Variants in ADGRA2 observed in about 807,000 individuals in gnomAD.
The protein encoded by ADGRA2 is G-protein coupled receptor 124.
In ADGRA2, 61 loss-of-function variants were observed where a neutral mutation model predicts 98.7. That is an observed-to-expected ratio of 0.62 (90% CI 0.50 to 0.76). The LOEUF (loss-of-function observed/expected upper bound fraction) is 0.76. Among genes scored for constraint, ADGRA2 ranks in the 30% least tolerant of loss-of-function variants. ADGRA2 has a pLI of 0.00. For synonymous variants in ADGRA2, 858 were observed against 831.5 expected (o/e 1.03, Z -0.55); for missense variants, 1,712 against 1,860.0 (o/e 0.92, Z 1.46).
Position 37,842,431 on chromosome 8 carries a change from T to C in ADGRA2, c.*76T>C. The C allele has an allele frequency of 7.2e-7, 1 of 1,395,954 alleles. No homozygotes were observed. The highest frequency in any genetic ancestry group is 9.3e-7 in the Non-Finnish European group (1 of 1,075,204). The allele number at this position is 1,395,954 out of a possible 1,614,324, so 86.5% of individuals were successfully genotyped here. A position where few individuals can be genotyped will look rare whatever the true frequency, so the allele number is the denominator to read the frequency against. On this transcript the variant is annotated 3_prime_UTR_variant, in exon 19 of 19. Transcript: ENST00000412232. Reference sequence around the variant, plus strand: ...GCTCCTCGGGGCCCTCCAAGGTGTCTCCGTAGTCAGCAGGTTGGAGGCAGA... The same window carrying C: ...GCTCCTCGGGGCCCTCCAAGGTGTCCCCGTAGTCAGCAGGTTGGAGGCAGA...
rs377232005 is a variant in ADGRA2, at chr8:37,830,934, C to T, written c.932+11C>T. 4,207 of 1,554,048 alleles carry T rather than the reference C, an allele frequency of 2.7e-3. 125 individuals carry two copies. In the South Asian group the frequency reaches 0.047, roughly 17 times the overall value. On this transcript the variant is annotated intron_variant, in intron 7 of 18. Transcript: ENST00000412232. This position sits in a 1 kb window ranked among gnomAD's most constrained non-coding sequence, Gnocchi z 4.8. ...CACCTTCATCACCAGGTATGAGCCC[C>T]GCTGCCCCTCCTCAGGCCTCAGCAT...
chr8:37,835,382 C>T lies in ADGRA2; in HGVS notation c.1817C>T (p.Ser606Leu), dbSNP rs751839090. 51 of 1,610,588 alleles carry T rather than the reference C, an allele frequency of 3.2e-5. No homozygotes were observed. In the East Asian group the frequency reaches 5.6e-4, roughly 18 times the overall value. ...ACCGGGAGGCCCAATGTTTCTCTGT[C>T]GTCCTTCCACATCAAGGTGGGCGCT... Reference protein sequence around the residue: ...CTTGRPNVSLSSFHIKNSVAL... With the variant: ...CTTGRPNVSLLSFHIKNSVAL... Residue 606 changes from serine (S) to leucine (L), a missense_variant, in exon 12 of 19, where the codon TCG becomes TTG. By Grantham distance (145) the Ser-to-Leu change is moderately radical. Transcript: ENST00000412232.
In ADGRA2 at chr8:37,826,096, C is replaced by G. The variant is rs995425990; in HGVS notation, c.339-2792C>G. Among the ~76,000 whole-genome samples, 4 of 148,382 alleles carry G rather than the reference C, an allele frequency of 2.7e-5. No individual in the cohort carries two copies. In the East Asian group the frequency reaches 8.0e-4, roughly 30 times the overall value. ...GCGGGTGGGGGCTTTTGAGGGGGCCCGGGGAGGAAATGAGAATAAACACAA... is the reference window on the plus strand; with the variant it reads ...GCGGGTGGGGGCTTTTGAGGGGGCCGGGGGAGGAAATGAGAATAAACACAA... On this transcript the variant is annotated intron_variant, in intron 2 of 18. Coordinates refer to ENST00000412232, the MANE Select transcript of ADGRA2 (RefSeq NM_032777.10).
In ADGRA2 at chr8:37,843,828, T is replaced by G. The variant is rs917092809; in HGVS notation, c.*1473T>G. 1 of 152,786 alleles carries G rather than the reference T, an allele frequency of 6.5e-6. No homozygotes were observed. The highest frequency in any genetic ancestry group is 1.5e-5 in the Non-Finnish European group (1 of 68,146). The allele number at this position is 152,786 out of a possible 1,614,324, so 9.5% of individuals were successfully genotyped here. Reference sequence around the variant, plus strand: ...AATGCCTTAGCACTGGAGAGCTTTTTGCAATATGCTGGGGAAAGGGGAGGG... The same window carrying G: ...AATGCCTTAGCACTGGAGAGCTTTTGGCAATATGCTGGGGAAAGGGGAGGG... On this transcript the variant is annotated 3_prime_UTR_variant, in exon 19 of 19. Coordinates refer to ENST00000412232, the MANE Select transcript of ADGRA2 (RefSeq NM_032777.10).
chr8:37,840,278 C>A lies in ADGRA2; in HGVS notation c.2657+12C>A. 1 of 1,610,728 alleles carries A rather than the reference C, an allele frequency of 6.2e-7. No homozygotes were observed. The highest frequency in any genetic ancestry group is 8.5e-7 in the Non-Finnish European group (1 of 1,179,910). On this transcript the variant is annotated intron_variant, in intron 17 of 18. Transcript: ENST00000412232. ...AGTCCTATGCTCCGGTACATACTTT[C>A]AATTCCAGCTTTGCAATTGGGGAGG...
intron 1 of ADGRA2, among the ~76,000 whole-genome samples, chr8:37,798,503 G>T (rs1003486234): frequency 1.3e-5 from 2 of 152,178 alleles, no homozygotes; most frequent in Non-Finnish European, 2.9e-5. Context: ...CCTCCCCACC[G>T]CAGAGATTTC....
At chr8:37,808,312 T>C (rs1424859489) in intron 1 of ADGRA2, among the ~76,000 whole-genome samples, 11 of 151,998 alleles carry the variant, frequency 7.2e-5, no homozygotes, top group Admixed American at 2.0e-4. Context: ...AGAGCTAGTG[T>C]GTGGTTGGGC....
intron 2 of ADGRA2, among the ~76,000 whole-genome samples, chr8:37,817,814 C>T (rs1246040311): frequency 1.3e-5 from 2 of 152,118 alleles, no homozygotes; most frequent in East Asian, 3.9e-4. Context: ...GTTAGGAGTT[C>T]GAGACCAGCC....
intron 13 of ADGRA2, among the ~76,000 whole-genome samples, chr8:37,836,095 A>ACCCC (rs1048991683): frequency 5.5e-5 from 6 of 109,340 alleles, no homozygotes; most frequent in African/African-American, 2.0e-4. Context: ...ACACACACAC[A>ACCCC]CACCCCACAG....
At chr8:37,813,885 GCT>G (rs1329756032) in intron 1 of ADGRA2, among the ~76,000 whole-genome samples, 3 of 152,142 alleles carry the variant, frequency 2.0e-5, no homozygotes, top group African/African-American at 7.2e-5. Context: ...TCTTCTTAGG[GCT>G]TGTTCCTTCC....
chr8:37,810,699 A>G (rs1804804008), intron 1 of ADGRA2, among the ~76,000 whole-genome samples: 2 of 152,058 alleles, frequency 1.3e-5, no homozygotes, highest in South Asian at 4.1e-4. Flanking sequence ...GGGTCTTGCT[A>G]TGTTGCCCAG....
chr8:37,829,713 C>A, intron 5 of ADGRA2, 138 bp from the exon 6 acceptor site: 1 of 1,003,564 alleles, frequency 1.0e-6, no homozygotes, highest in East Asian at 2.4e-5. Flanking sequence ...CCGCGATGGC[C>A]CGGGGCAGAG....
intron 2 of ADGRA2, among the ~76,000 whole-genome samples, chr8:37,827,400 A>G (rs1013032683): frequency 6.6e-6 from 1 of 152,244 alleles, no homozygotes; most frequent in African/African-American, 2.4e-5. Flanking sequence ...GATACCCAGC[A>G]GGTCGCCTGT....
chr8:37,824,794 C>T (rs1157028119), intron 2 of ADGRA2, among the ~76,000 whole-genome samples: 2 of 152,136 alleles, frequency 1.3e-5, no homozygotes, highest in Admixed American at 1.3e-4. Context: ...CTCACCTGGC[C>T]AAAGGTGTAA....
intron 11 of ADGRA2, 26 bp from the exon 12 acceptor site, chr8:37,835,148 T>C: frequency 6.4e-7 from 1 of 1,563,766 alleles, no homozygotes; most frequent in African/African-American, 1.4e-5. Context: ...TCTCAAATGG[T>C]GGGATGACAA....
intron 14 of ADGRA2, 111 bp from the exon 15 acceptor site, chr8:37,838,845 A>G: frequency 3.1e-6 from 4 of 1,305,036 alleles, no homozygotes; most frequent in South Asian, 1.5e-5. Context: ...CAGATGAACT[A>G]AGCACCAAAG....
Position 37,841,138 on chromosome 8 carries a change from T to TTGATTC in ADGRA2, c.2803_2808dup (p.Ile935_Leu936dup). 6.2e-7 allele frequency: 1 copy of TTGATTC among 1,611,724 alleles called. No homozygotes were observed. The highest frequency in any genetic ancestry group is 1.1e-5 in the South Asian group (1 of 91,036). On this transcript the variant is annotated inframe_insertion, in exon 19 of 19. Coordinates refer to ENST00000412232, the MANE Select transcript of ADGRA2 (RefSeq NM_032777.10). The surrounding 1 kb of genome is among the most constrained non-coding windows in gnomAD (Gnocchi z 5.0). ...TGGCGCCTTCTACATCCCTGTGGCT[T>TTGATTC]TGATTCTGCTCATCACCTGGATCTA... is the stretch of plus-strand genomic sequence containing the variant.
intron 8 of ADGRA2, among the ~76,000 whole-genome samples, chr8:37,832,703 T>TC (rs896638556): frequency 3.3e-5 from 5 of 152,186 alleles, no homozygotes; most frequent in African/African-American, 1.2e-4. Flanking sequence ...GCTATTATTC[T>TC]CCCCACTGTA....
intron 2 of ADGRA2, among the ~76,000 whole-genome samples, chr8:37,828,139 C>T (rs1038327157): frequency 2.2e-5 from 3 of 136,134 alleles, no homozygotes; most frequent in African/African-American, 7.8e-5. Context: ...GACCCAGCCT[C>T]AAAAACAAAA....
Sources: allele counts gnomAD v4.1 joint callset (sites outside exome capture counted in the v4.1 genomes callset), GRCh38; gene constraint gnomAD v4.1.1; non-coding constraint Gnocchi (gnomAD v3.1); transcripts MANE v1.5; gene names NCBI Gene and HGNC (gene_info 2026-07-23, HGNC 2026-07-21).